Variants in CLCN5 observed in about 807,000 individuals in gnomAD.
The protein encoded by CLCN5 is H(+)/Cl(-) exchange transporter 5.
A neutral mutation model predicts 54.0 loss-of-function variants in CLCN5; 17 were observed. That is an observed-to-expected ratio of 0.31 (90% CI 0.22 to 0.47). CLCN5 has a LOEUF of 0.47. Ranked by LOEUF, CLCN5 falls within the 20% of genes least tolerant of loss-of-function variation. CLCN5 has a pLI of 1.00. For synonymous variants in CLCN5, 222 were observed against 233.0 expected, an observed-to-expected ratio of 0.95 and a Z score of 0.43; for missense variants, 448 against 646.7, an observed-to-expected ratio of 0.69 and a Z score of 3.33.
chrX:49,931,660 C>T (rs1259648688), intron 3 of CLCN5, among the ~76,000 whole-genome samples: 9 of 110,452 alleles, frequency 8.1e-5, no homozygotes, highest in Admixed American at 7.7e-4. Flanking sequence ...GAGGCCAAGG[C>T]AGGAGGATTG....
At chrX:49,946,819 T>C (rs1557172182) in intron 3 of CLCN5, among the ~76,000 whole-genome samples, 1 of 106,426 alleles carries the variant, frequency 9.4e-6, no homozygotes, top group East Asian at 2.8e-4. Flanking sequence ...CTTTTTTTCT[T>C]TTTCTTTTTT....
intron 3 of CLCN5, among the ~76,000 whole-genome samples, chrX:50,036,962 G>A (rs1203929820): frequency 8.9e-6 from 1 of 112,126 alleles, no homozygotes; most frequent in Non-Finnish European, 1.9e-5. Flanking sequence ...GCCTGCTTGC[G>A]AGGTTGAGTG....
At chrX:50,067,217 G>T (rs782075587) in intron 4 of CLCN5, among the ~76,000 whole-genome samples, 126 of 111,609 alleles carry the variant, frequency 1.1e-3, no homozygotes, top group African/African-American at 3.4e-3. Context: ...TTTTGTGTCT[G>T]GTATCTTTCA....
At chrX:50,042,997 T>C (rs1932278271) in intron 4 of CLCN5, among the ~76,000 whole-genome samples, 1 of 111,740 alleles carries the variant, frequency 8.9e-6, no homozygotes, top group Non-Finnish European at 1.9e-5. Context: ...CACTTGGTAT[T>C]TTGGCCATCC....
intron 3 of CLCN5, among the ~76,000 whole-genome samples, chrX:50,019,800 T>C (rs1557184141): frequency 2.6e-4 from 1 of 3,861 alleles, no homozygotes; most frequent in African/African-American, 1.2e-3. Flanking sequence ...CTACAAAGGA[T>C]ATGAACTCAT....
At chrX:50,036,693 T>C (rs1184262488) in intron 3 of CLCN5, among the ~76,000 whole-genome samples, 1 of 111,940 alleles carries the variant, frequency 8.9e-6, no homozygotes, top group African/African-American at 3.2e-5. Flanking sequence ...TAATGTAGAG[T>C]TGCTGGAACC....
chrX:50,026,392 G>C (rs782161553), intron 3 of CLCN5, among the ~76,000 whole-genome samples: 1 of 111,671 alleles, frequency 9.0e-6, no homozygotes. Flanking sequence ...CTAGTTGATG[G>C]ATGATGCTGT....
intron 3 of CLCN5, among the ~76,000 whole-genome samples, chrX:50,033,717 C>T (rs1259210983): frequency 8.9e-6 from 1 of 111,764 alleles, no homozygotes; most frequent in East Asian, 2.8e-4. Context: ...CCAAGTCAAT[C>T]CTAAGCCAAA....
chrX:50,091,566 G>T (rs1479935414), intron 14 of CLCN5, among the ~76,000 whole-genome samples: 1 of 112,029 alleles, frequency 8.9e-6, no homozygotes, highest in Non-Finnish European at 1.9e-5. Flanking sequence ...TCCCTAACTG[G>T]TTCATTCAAC....
At chrX:49,952,568 T>C (rs1190970167) in intron 3 of CLCN5, among the ~76,000 whole-genome samples, 1 of 109,742 alleles carries the variant, frequency 9.1e-6, no homozygotes, top group Non-Finnish European at 1.9e-5. Context: ...TATGATTCAG[T>C]GACTCCTTCC....
intron 3 of CLCN5, among the ~76,000 whole-genome samples, chrX:50,001,696 A>G (rs1052778706): frequency 1.0e-5 from 1 of 96,332 alleles, no homozygotes; most frequent in Non-Finnish European, 2.0e-5. Context: ...ATTCCCACCT[A>G]TGAGTGAGAA....
chrX:50,014,728 A>G (rs1347086711), intron 3 of CLCN5: 1 of 200,890 alleles, frequency 5.0e-6, no homozygotes, highest in Non-Finnish European at 9.7e-6. Flanking sequence ...CACCCCTCCC[A>G]CCCTCCCCTG....
At chrX:50,004,407 A>G (rs1041831455) in intron 3 of CLCN5, among the ~76,000 whole-genome samples, 2 of 111,197 alleles carry the variant, frequency 1.8e-5, no homozygotes, top group Non-Finnish European at 3.8e-5. Context: ...TAGTTACAGC[A>G]TAGATGGTGG....
intron 4 of CLCN5, among the ~76,000 whole-genome samples, chrX:50,057,875 A>G (rs1002754280): frequency 9.0e-5 from 10 of 110,734 alleles, no homozygotes; most frequent in Non-Finnish European, 1.7e-4. Flanking sequence ...AATAGGTGAA[A>G]TGGGATGTGA....
At chrX:49,982,702 C>T (rs73211743) in intron 3 of CLCN5, among the ~76,000 whole-genome samples, 247 of 111,742 alleles carry the variant, frequency 2.2e-3, no homozygotes, top group Middle Eastern at 4.6e-3. Context: ...CTATTTTACA[C>T]GTTTAAAATG....
At chrX:49,976,927 A>G (rs1928509537) in intron 3 of CLCN5, among the ~76,000 whole-genome samples, 1 of 111,548 alleles carries the variant, frequency 9.0e-6, no homozygotes, top group Non-Finnish European at 1.9e-5. Context: ...GTTACTTGAG[A>G]AGAAAGCAAT....
intron 3 of CLCN5, among the ~76,000 whole-genome samples, chrX:49,965,104 A>C (rs907288532): frequency 2.7e-5 from 3 of 111,572 alleles, no homozygotes; most frequent in Admixed American, 1.9e-4. Context: ...TGGAAGGTGA[A>C]CAGATGGTGT....
chrX:49,971,138 T>G (rs1557176133), intron 3 of CLCN5, among the ~76,000 whole-genome samples: 1 of 107,430 alleles, frequency 9.3e-6, no homozygotes. Context: ...GATTTTTTGG[T>G]ATACTGACCT....
chrX:49,928,752 C>T (rs1423129306), intron 3 of CLCN5, among the ~76,000 whole-genome samples: 2 of 111,543 alleles, frequency 1.8e-5, no homozygotes, highest in Admixed American at 1.9e-4. Flanking sequence ...GGTGAAACCC[C>T]GCCTCTACTA....
Sources: gnomAD v4.1 joint callset for allele counts (sites outside exome capture counted in the v4.1 genomes callset) on GRCh38, gnomAD v4.1.1 for gene constraint, MANE v1.5 for transcripts, NCBI Gene and HGNC (gene_info 2026-07-23, HGNC 2026-07-21) for gene names.